DGKB: variants seen among roughly 807,000 people sequenced by gnomAD.
The protein encoded by DGKB is 90 kDa diacylglycerol kinase.
In DGKB, 67 loss-of-function variants were observed where a neutral mutation model predicts 114.3. That is an observed-to-expected ratio of 0.59 (90% confidence interval 0.48 to 0.72). The LOEUF (loss-of-function observed/expected upper bound fraction) is 0.72. Ranked by LOEUF, DGKB falls within the 30% of genes least tolerant of loss-of-function variation. The pLI is 0.00. For synonymous variants in DGKB, 398 were observed against 323.1 expected (o/e 1.23, Z -2.49); for missense variants, 907 against 975.2 (o/e 0.93, Z 0.93).
chr7:14,789,427 C>T (rs1439311192), intron 2 of DGKB, among the ~76,000 whole-genome samples: 1 of 152,078 alleles, frequency 6.6e-6, no homozygotes, highest in African/African-American at 2.4e-5. Context: ...ATTGATCCAT[C>T]CATTTTTTAT....
At chr7:14,920,909 C>T (rs1163219572) in intron 1 of DGKB, among the ~76,000 whole-genome samples, 2 of 151,948 alleles carry the variant, frequency 1.3e-5, no homozygotes, top group Non-Finnish European at 1.5e-5. Flanking sequence ...TACTAAATTA[C>T]ATTTTCTTTT....
intron 23 of DGKB, among the ~76,000 whole-genome samples, chr7:14,244,470 C>G (rs1562723979): frequency 6.6e-6 from 1 of 151,076 alleles, no homozygotes; most frequent in South Asian, 2.1e-4. Context: ...TCCTGGCTAA[C>G]ACGGTGAAAC....
chr7:14,391,323 C>T (rs1360044904), intron 21 of DGKB, among the ~76,000 whole-genome samples: 1 of 151,990 alleles, frequency 6.6e-6, no homozygotes, highest in Non-Finnish European at 1.5e-5. Context: ...TCACTATCAC[C>T]TTTCATATTC....
intron 23 of DGKB, among the ~76,000 whole-genome samples, chr7:14,230,246 T>C (rs985528195): frequency 6.6e-6 from 1 of 152,020 alleles, no homozygotes; most frequent in Non-Finnish European, 1.5e-5. Context: ...CAATTCAAAT[T>C]TATTCCATAT....
chr7:14,857,204 C>CTG (rs1333402484), intron 1 of DGKB, among the ~76,000 whole-genome samples: 1 of 112,798 alleles, frequency 8.9e-6, no homozygotes, highest in African/African-American at 4.1e-5. Flanking sequence ...CTCTCTCTCT[C>CTG]TGTCTCTCTC....
At chr7:14,788,999 T>A (rs1171995225) in intron 2 of DGKB, among the ~76,000 whole-genome samples, 1 of 152,016 alleles carries the variant, frequency 6.6e-6, no homozygotes, top group East Asian at 1.9e-4. Flanking sequence ...AGGAAAACAG[T>A]GGAGCAGAAA....
intron 23 of DGKB, among the ~76,000 whole-genome samples, chr7:14,207,337 G>A (rs1380775882): frequency 6.6e-6 from 1 of 152,096 alleles, no homozygotes; most frequent in African/African-American, 2.4e-5. Flanking sequence ...GTGCATTGGT[G>A]TGAGATGTTT....
At chr7:14,488,155 T>C (rs998256585) in intron 20 of DGKB, among the ~76,000 whole-genome samples, 4 of 152,072 alleles carry the variant, frequency 2.6e-5, no homozygotes, top group African/African-American at 7.2e-5. Flanking sequence ...AAATATTTCA[T>C]ACAGAAGAGT....
At chr7:14,152,924 C>A (rs577517314) in intron 25 of DGKB, among the ~76,000 whole-genome samples, 3 of 152,182 alleles carry the variant, frequency 2.0e-5, no homozygotes, top group African/African-American at 7.2e-5. Context: ...TATTCAGGTG[C>A]CCCCTATTTC....
intron 5 of DGKB, among the ~76,000 whole-genome samples, chr7:14,725,327 T>G (rs1310538752): frequency 2.6e-5 from 4 of 152,216 alleles, no homozygotes; most frequent in Admixed American, 1.3e-4. Flanking sequence ...TTGTGCAGGC[T>G]CTATACTGTA....
At position 14,566,360 on chromosome 7, in the gene DGKB, G is replaced by T. The variant is rs573195837; in HGVS notation, c.1770+7852C>A. On this transcript the variant is annotated intron_variant, in intron 20 of 25. Coordinates refer to ENST00000402815, the MANE Select transcript of DGKB (RefSeq NM_001350709.2). ...TATGGACTGTGGTTTACACAAGGCAGAGTTTATAGAATCTCAGTGACTGAC... is the reference window on the plus strand; with the variant it reads ...TATGGACTGTGGTTTACACAAGGCATAGTTTATAGAATCTCAGTGACTGAC... Among the ~76,000 whole-genome samples, 5 of 152,258 alleles carry T rather than the reference G, an allele frequency of 3.3e-5. No individual in the cohort carries two copies. The East Asian group carries it at 5.8e-4, about 18-fold the overall frequency.
At chr7:14,319,137 T>C (rs1250439946) in intron 23 of DGKB, among the ~76,000 whole-genome samples, 1 of 87,356 alleles carries the variant, frequency 1.1e-5, no homozygotes, top group East Asian at 3.7e-4. Flanking sequence ...GGGACTGTTG[T>C]GGGGTGAGGG....
intron 21 of DGKB, among the ~76,000 whole-genome samples, chr7:14,397,124 A>G (rs1174778452): frequency 6.6e-6 from 1 of 152,078 alleles, no homozygotes; most frequent in African/African-American, 2.4e-5. Context: ...TTTTCTCGCA[A>G]TTTTACATAG....
At chr7:14,594,721 G>C (rs953451078) in intron 17 of DGKB, among the ~76,000 whole-genome samples, 1 of 152,006 alleles carries the variant, frequency 6.6e-6, no homozygotes, top group African/African-American at 2.4e-5. Context: ...GTTTTATTCT[G>C]TACACATCAG....
intron 23 of DGKB, among the ~76,000 whole-genome samples, chr7:14,330,278 C>T (rs1196356151): frequency 6.6e-6 from 1 of 151,828 alleles, no homozygotes; most frequent in East Asian, 1.9e-4. Flanking sequence ...ATATATTTTT[C>T]AAAATGCGAC....
At chr7:14,297,381 G>A (rs901323882) in intron 23 of DGKB, among the ~76,000 whole-genome samples, 2 of 152,100 alleles carry the variant, frequency 1.3e-5, no homozygotes, top group Non-Finnish European at 2.9e-5. Context: ...GCATCCCTGG[G>A]ATGCAAGGCT....
In DGKB at chr7:14,335,235, TCTCATACC is replaced by T. The variant is rs367806063; in HGVS notation, c.2122+3272_2122+3279del. 3.2e-4 allele frequency among the ~76,000 whole-genome samples: 48 copies of T among 152,274 alleles called. 1 individual carries two copies. In the Middle Eastern group the frequency reaches 0.01, roughly 32 times the overall value. ...TAAGGACTTAATGCTCCAAACCTGA[TCTCATACC>T]TTTGGACTATGATATTTCTTTAAAT... On this transcript the variant is annotated intron_variant, in intron 23 of 25. Transcript: ENST00000402815.
At chr7:14,200,875 T>C (rs758588984) in intron 23 of DGKB, among the ~76,000 whole-genome samples, 9 of 151,840 alleles carry the variant, frequency 5.9e-5, no homozygotes, top group Non-Finnish European at 1.3e-4. Context: ...TTGTGAGAAA[T>C]TAGGTAATGA....
intron 1 of DGKB, among the ~76,000 whole-genome samples, chr7:14,892,862 A>ATGTGTG (rs200803365): frequency 0.02 from 1,512 of 76,206 alleles, 16 homozygotes; most frequent in East Asian, 0.11. Flanking sequence ...CCATATATAT[A>ATGTGTG]TATGTGTGTG....
Sources: gnomAD v4.1 joint callset for allele counts (sites outside exome capture counted in the v4.1 genomes callset) on GRCh38, gnomAD v4.1.1 for gene constraint, MANE v1.5 for transcripts, NCBI Gene and HGNC (gene_info 2026-07-23, HGNC 2026-07-21) for gene names.